The following SLC9A9 variants were observed in gnomAD, a reference collection of about 807,000 sequenced individuals.
SLC9A9 encodes the protein solute carrier family 9 member A9, also known as sodium/hydrogen exchanger 9.
A neutral mutation model predicts 77.8 loss-of-function variants in SLC9A9; 62 were observed. The observed-to-expected ratio is 0.80, with a 90% CI of 0.65 to 0.98. The LOEUF is 0.98. SLC9A9 is among the 50% of genes least tolerant of loss of function. The pLI, the probability that SLC9A9 is intolerant of heterozygous loss-of-function variation, is 0.00. For missense variants in SLC9A9, 775 were observed against 774.9 expected (o/e 1.00, Z 0.00); for synonymous variants, 320 against 283.5 (o/e 1.13, Z -1.29).
chr3:143,433,305 A>T (rs79072799), intron 12 of SLC9A9, among the ~76,000 whole-genome samples: 1 of 152,112 alleles, frequency 6.6e-6, no homozygotes, highest in South Asian at 2.1e-4. Context: ...TTTGGGGGGA[A>T]TTTATCCCAC....
At chr3:143,799,844 G>A (rs1265577230) in intron 2 of SLC9A9, among the ~76,000 whole-genome samples, 1 of 152,142 alleles carries the variant, frequency 6.6e-6, no homozygotes, top group African/African-American at 2.4e-5. Flanking sequence ...GGGTAAGTCT[G>A]TACCATTTTT....
intron 4 of SLC9A9, among the ~76,000 whole-genome samples, chr3:143,794,729 C>T (rs141155865): frequency 4.6e-5 from 7 of 152,196 alleles, no homozygotes; most frequent in African/African-American, 1.2e-4. Context: ...GAATGCAATG[C>T]GCTTCACATA....
intron 4 of SLC9A9, among the ~76,000 whole-genome samples, chr3:143,735,940 TCTG>T (rs1934931062): frequency 6.6e-6 from 1 of 152,226 alleles, no homozygotes; most frequent in Non-Finnish European, 1.5e-5. Flanking sequence ...TTCCAGCTTA[TCTG>T]TTCTTTCCCA....
chr3:143,796,962 C>T, intron 2 of SLC9A9, 59 bp from the exon 3 acceptor site: 1 of 1,384,152 alleles, frequency 7.2e-7, no homozygotes, highest in Non-Finnish European at 1.0e-6. Flanking sequence ...ATTAAAAAAA[C>T]ATGTTTCAAA....
At chr3:143,645,816 GC>G (rs920148684) in intron 6 of SLC9A9, among the ~76,000 whole-genome samples, 2 of 151,294 alleles carry the variant, frequency 1.3e-5, no homozygotes, top group African/African-American at 4.9e-5. Context: ...TTCCTTATAA[GC>G]ATTTACTTAA....
At chr3:143,613,092 G>T (rs961648483) in intron 6 of SLC9A9, among the ~76,000 whole-genome samples, 3 of 152,170 alleles carry the variant, frequency 2.0e-5, no homozygotes, top group Non-Finnish European at 2.9e-5. Flanking sequence ...GTACTGGAAA[G>T]ATACAAAACA....
intron 14 of SLC9A9, among the ~76,000 whole-genome samples, chr3:143,303,277 A>G (rs1263920850): frequency 6.6e-6 from 1 of 152,128 alleles, no homozygotes; most frequent in Non-Finnish European, 1.5e-5. Context: ...AGGAGTGTTC[A>G]GGGAAAGTTT....
intron 14 of SLC9A9, among the ~76,000 whole-genome samples, chr3:143,281,182 AGGT>A (rs1336278206): frequency 3.9e-5 from 6 of 152,188 alleles, no homozygotes; most frequent in African/African-American, 7.2e-5. Context: ...CCTCCGGTGA[AGGT>A]GGTAAAGCCA....
At chr3:143,367,630 G>A (rs762711940) in intron 13 of SLC9A9, among the ~76,000 whole-genome samples, 2 of 152,168 alleles carry the variant, frequency 1.3e-5, no homozygotes, top group East Asian at 3.9e-4. Flanking sequence ...CCTGGAACAG[G>A]GAAGGTATCT....
intron 9 of SLC9A9, 114 bp from the exon 10 acceptor site, chr3:143,495,562 C>T (rs2108592642): frequency 1.3e-6 from 1 of 792,830 alleles, no homozygotes; most frequent in East Asian, 2.6e-5. Context: ...GGAAGGCCAC[C>T]CCTTTGGCCG....
At chr3:143,504,947 G>C (rs2035987108) in intron 9 of SLC9A9, among the ~76,000 whole-genome samples, 2 of 152,230 alleles carry the variant, frequency 1.3e-5, no homozygotes, top group Admixed American at 1.3e-4. Context: ...GGAGTGGCAA[G>C]ATGTTTGAAT....
chr3:143,661,467 G>C (rs1335269774), intron 5 of SLC9A9, among the ~76,000 whole-genome samples: 1 of 152,076 alleles, frequency 6.6e-6, no homozygotes, highest in Non-Finnish European at 1.5e-5. Context: ...ACCTGGCACT[G>C]TGAACCCTTC....
chr3:143,842,132 G>A (rs1000830795), intron 1 of SLC9A9, among the ~76,000 whole-genome samples: 8 of 152,022 alleles, frequency 5.3e-5, no homozygotes, highest in Non-Finnish European at 8.8e-5. Flanking sequence ...TGTAATCCCA[G>A]CACTTTGGGA....
At chr3:143,595,417 T>C (rs1476257553) in intron 6 of SLC9A9, among the ~76,000 whole-genome samples, 3 of 152,262 alleles carry the variant, frequency 2.0e-5, no homozygotes, top group African/African-American at 7.2e-5. Flanking sequence ...TGACTTCTTA[T>C]GAAGAGAATG....
At chr3:143,458,063 T>A (rs1247467776) in intron 12 of SLC9A9, among the ~76,000 whole-genome samples, 22 of 152,216 alleles carry the variant, frequency 1.4e-4, no homozygotes, top group Admixed American at 1.4e-3. Flanking sequence ...TTAATTTGTC[T>A]CTCTTCCCTT....
At chr3:143,394,489 C>T (rs1291019668) in intron 12 of SLC9A9, among the ~76,000 whole-genome samples, 4 of 152,172 alleles carry the variant, frequency 2.6e-5, no homozygotes, top group African/African-American at 9.7e-5. Flanking sequence ...AACCCACAGT[C>T]AGTATCATAC....
chr3:143,292,603 AGGTGTGT>A (rs572355686), intron 14 of SLC9A9, among the ~76,000 whole-genome samples: 2 of 152,050 alleles, frequency 1.3e-5, no homozygotes, highest in Non-Finnish European at 2.9e-5. Flanking sequence ...CTATAAAACG[AGGTGTGT>A]GGATTAGAGA....
intron 4 of SLC9A9, among the ~76,000 whole-genome samples, chr3:143,760,854 A>G (rs1370179657): frequency 1.3e-5 from 2 of 152,172 alleles, no homozygotes; most frequent in South Asian, 2.1e-4. Context: ...TAAAGTTCAT[A>G]TGGAACCAAA....
chr3:143,736,734 T>C (rs1191153776), intron 4 of SLC9A9, among the ~76,000 whole-genome samples: 1 of 152,240 alleles, frequency 6.6e-6, no homozygotes, highest in Admixed American at 6.5e-5. Context: ...CACAGTTCTG[T>C]GCTTCTGCAT....
Sources: allele counts gnomAD v4.1 joint callset (sites outside exome capture counted in the v4.1 genomes callset), GRCh38; gene constraint gnomAD v4.1.1; transcripts MANE v1.5; gene names NCBI Gene and HGNC (gene_info 2026-07-23, HGNC 2026-07-21).